Variants in SEPTIN11 observed in about 807,000 individuals in gnomAD.
SEPTIN11 encodes septin-11.
A neutral mutation model predicts 51.4 loss-of-function variants in SEPTIN11; 25 were observed. The observed-to-expected ratio is 0.49, with a 90% CI of 0.35 to 0.68. SEPTIN11 has a LOEUF of 0.68. Among genes scored for constraint, SEPTIN11 ranks in the 30% least tolerant of loss-of-function variants. The probability of loss-of-function intolerance (pLI) is 0.00; values close to 1 mark genes in which losing one functional copy is unlikely to be tolerated. For missense variants in SEPTIN11, 381 were observed against 520.8 expected (o/e 0.73, Z 2.61); for synonymous variants, 174 against 184.1 (o/e 0.95, Z 0.44).
rs1346902823 is a variant in SEPTIN11, at chr4:77,038,025, G to A, written c.*3513G>A. The A allele has an allele frequency of 3.0e-5, 30 of 985,600 alleles. No homozygotes were observed. Among genetic ancestry groups the A allele is most frequent in the Non-Finnish European group, 3.4e-5 (28 of 829,930 alleles). 61.1% of individuals were successfully genotyped at this position (985,600 alleles called of 1,614,324 possible). ...TGGGTGAGGTTTTTCAGCTGTTACC[G>A]ACCCACGTCCTGCTGTCTCTGTGTG... On this transcript the variant is annotated 3_prime_UTR_variant, in exon 10 of 10. Coordinates refer to ENST00000264893, the MANE Select transcript of SEPTIN11 (RefSeq NM_018243.4).
In SEPTIN11 at chr4:77,015,390, A is replaced by T. The variant is rs80121785; in HGVS notation, c.687+373A>T. ...AGCTTGTCCCAATTTTGCTTTGGTG[A>T]TTGGATCCTGCCCTTCCCTCCTTTC... On this transcript the variant is annotated intron_variant, in intron 5 of 9. Transcript: ENST00000264893. Among the ~76,000 whole-genome samples, 645 of 152,298 alleles carry T rather than the reference A, an allele frequency of 4.2e-3. 5 individuals are homozygous for T. The highest frequency in any genetic ancestry group is 0.015 in the African/African-American group (610 of 41,570).
chr4:76,956,962 A>ATGTGTGTGTG (rs202035045), intron 1 of SEPTIN11, among the ~76,000 whole-genome samples: 24,821 of 118,488 alleles, frequency 0.21, 2,972 homozygotes, highest in East Asian at 0.26. Flanking sequence ...TAGTAGAATG[A>ATGTGTGTGTG]TGTGTGTGTG....
chr4:76,958,028 T>C (rs1424323855), intron 1 of SEPTIN11, among the ~76,000 whole-genome samples: 1 of 152,224 alleles, frequency 6.6e-6, no homozygotes, highest in Non-Finnish European at 1.5e-5. Context: ...TTAGTCTAGA[T>C]AGCCAGACTT....
chr4:76,995,073 C>G (rs1009135185), intron 1 of SEPTIN11, among the ~76,000 whole-genome samples: 2 of 132,760 alleles, frequency 1.5e-5, no homozygotes, highest in African/African-American at 5.4e-5. Flanking sequence ...AGTGACAGTG[C>G]AACCCTGTCT....
intron 5 of SEPTIN11, 147 bp from the exon 6 acceptor site, chr4:77,019,018 T>A: frequency 3.2e-6 from 2 of 633,742 alleles, no homozygotes; most frequent in South Asian, 3.8e-5. Context: ...GGGGGTGGGA[T>A]ACGTGACATC....
intron 6 of SEPTIN11, 123 bp downstream of exon 6, chr4:77,019,384 G>A (rs1578193280): frequency 1.5e-6 from 1 of 687,368 alleles, no homozygotes; most frequent in Non-Finnish European, 2.4e-6. Flanking sequence ...GGAGGGAGTG[G>A]TGGGGCTCCA....
intron 5 of SEPTIN11, among the ~76,000 whole-genome samples, chr4:77,018,415 C>G (rs1281192735): frequency 1.3e-5 from 2 of 150,542 alleles, no homozygotes; most frequent in Admixed American, 6.6e-5. Flanking sequence ...CGCCACTGCA[C>G]TCCAGCCTGG....
rs111791196 is a variant in SEPTIN11, at chr4:77,005,597, G to T, written c.143-4G>T. 2,220 of 1,611,318 alleles carry T rather than the reference G, an allele frequency of 1.4e-3. 22 individuals are homozygous for T. In the African/African-American group the frequency reaches 0.025, roughly 18 times the overall value. On this transcript the variant is annotated splice_region_variant and splice_polypyrimidine_tract_variant and intron_variant, in intron 2 of 9. Transcript: ENST00000264893. ...TCTCTGATTTTTCTTTTGTGGTTAT[G>T]TAGGTGAGACAGGCATTGGCAAATC...
At chr4:76,966,331 G>A (rs182798542) in intron 1 of SEPTIN11, among the ~76,000 whole-genome samples, 16 of 152,252 alleles carry the variant, frequency 1.1e-4, no homozygotes, top group African/African-American at 3.9e-4. Context: ...GAAGATATTT[G>A]GTCAAATTAG....
At chr4:76,958,304 C>A (rs1355251567) in intron 1 of SEPTIN11, among the ~76,000 whole-genome samples, 1 of 152,220 alleles carries the variant, frequency 6.6e-6, no homozygotes, top group African/African-American at 2.4e-5. Flanking sequence ...TCCCAGGGGG[C>A]AACCCCCTTG....
chr4:77,032,564 G>C (rs1183670655), intron 9 of SEPTIN11, among the ~76,000 whole-genome samples: 1 of 152,118 alleles, frequency 6.6e-6, no homozygotes, highest in African/African-American at 2.4e-5. Flanking sequence ...GTGTGTATGT[G>C]TCTGTGTGTG....
chr4:77,030,538 A>C (rs1726540804), intron 8 of SEPTIN11, among the ~76,000 whole-genome samples: 1 of 152,022 alleles, frequency 6.6e-6, no homozygotes, highest in Admixed American at 6.5e-5. Context: ...CAGGGATTAC[A>C]GGCACCCGCC....
At chr4:76,999,901 T>G (rs941598650) in intron 2 of SEPTIN11, among the ~76,000 whole-genome samples, 2 of 152,222 alleles carry the variant, frequency 1.3e-5, no homozygotes, top group Non-Finnish European at 2.9e-5. Context: ...TGAAGCCACA[T>G]TTTAGTTTAA....
At chr4:77,026,777 G>C (rs774948213) in intron 7 of SEPTIN11, among the ~76,000 whole-genome samples, 2 of 152,266 alleles carry the variant, frequency 1.3e-5, no homozygotes, top group Non-Finnish European at 2.9e-5. Flanking sequence ...AGAGGGACGA[G>C]TCATCCTCTA....
chr4:77,037,079 A>G lies in SEPTIN11; in HGVS notation c.*2567A>G, dbSNP rs572032468. ...TTTGGAAATCCGAAATTACTAATCC[A>G]GGCCAGGTGTGGTGGCTCATGCCTG... On this transcript the variant is annotated 3_prime_UTR_variant, in exon 10 of 10. Transcript: ENST00000264893. The G allele has an allele frequency of 1.8e-6, 2 of 1,116,120 alleles. No homozygotes were observed. The highest frequency in any genetic ancestry group is 3.9e-4 in the Middle Eastern group (1 of 2,532). 69.1% of individuals were successfully genotyped at this position (1,116,120 alleles called of 1,614,324 possible). A position where few individuals can be genotyped will look rare whatever the true frequency, so the allele number is the denominator to read the frequency against.
At position 77,035,497 on chromosome 4, in the gene SEPTIN11, G is replaced by A. The variant is rs1726964858; in HGVS notation, c.*985G>A. On this transcript the variant is annotated 3_prime_UTR_variant, in exon 10 of 10. Coordinates refer to ENST00000264893, the MANE Select transcript of SEPTIN11 (RefSeq NM_018243.4). ...CCTTAGAAAATTTGCTATAAACTCT[G>A]TATCATTGGTAGCACAAATTTGAGC... 3 of 985,336 alleles carry A rather than the reference G, an allele frequency of 3.0e-6. No individual in the cohort carries two copies. The highest frequency in any genetic ancestry group is 3.6e-6 in the Non-Finnish European group (3 of 829,912). The allele number at this position is 985,336 out of a possible 1,614,324, so 61.0% of individuals were successfully genotyped here.
chr4:76,966,931 C>A (rs912755170), intron 1 of SEPTIN11, among the ~76,000 whole-genome samples: 2 of 151,872 alleles, frequency 1.3e-5, no homozygotes, highest in African/African-American at 4.8e-5. Context: ...AAGTGCTTAA[C>A]CTGGCCTGTA....
chr4:77,007,841 A>T (rs1277260452), intron 3 of SEPTIN11, among the ~76,000 whole-genome samples: 1 of 152,248 alleles, frequency 6.6e-6, no homozygotes, highest in African/African-American at 2.4e-5. Flanking sequence ...ACAAATTGTT[A>T]TCTGGACAGG....
chr4:77,025,023 T>C (rs1183009325), intron 7 of SEPTIN11, among the ~76,000 whole-genome samples: 2 of 152,206 alleles, frequency 1.3e-5, no homozygotes, highest in Admixed American at 6.5e-5. Flanking sequence ...ATCACCAGAA[T>C]GAAGGATGAA....
Sources: allele counts gnomAD v4.1 joint callset (sites outside exome capture counted in the v4.1 genomes callset), GRCh38; gene constraint gnomAD v4.1.1; transcripts MANE v1.5; gene names NCBI Gene and HGNC (gene_info 2026-07-23, HGNC 2026-07-21).